The following SPON1 variants were observed in gnomAD, a reference collection of about 807,000 sequenced individuals.
SPON1 encodes spondin 1.
Under a neutral mutation model 111.7 loss-of-function variants are expected in SPON1, and 52 were observed. The ratio of observed to expected loss-of-function variants is 0.47; its 90% CI spans 0.37 to 0.59. SPON1 has a LOEUF of 0.59. Among genes scored for constraint, SPON1 ranks in the 20% least tolerant of loss-of-function variants. SPON1 has a pLI of 0.00. For synonymous variants in SPON1, 410 were observed against 395.8 expected (o/e 1.04, Z -0.43); for missense variants, 957 against 1,068.5 (o/e 0.90, Z 1.46).
intron 6 of SPON1, among the ~76,000 whole-genome samples, chr11:14,186,705 A>T (rs1443524171): frequency 6.6e-6 from 1 of 152,134 alleles, no homozygotes; most frequent in African/African-American, 2.4e-5. Flanking sequence ...TCCCATTTAT[A>T]TCCTTGTGCA....
chr11:14,215,333 A>G (rs1848615947), intron 6 of SPON1, among the ~76,000 whole-genome samples: 1 of 152,168 alleles, frequency 6.6e-6, no homozygotes, highest in Non-Finnish European at 1.5e-5. Context: ...TCTTCTTCTC[A>G]GAGTGCTATT....
chr11:14,162,606 T>G (rs782117404), intron 6 of SPON1, among the ~76,000 whole-genome samples: 1 of 152,324 alleles, frequency 6.6e-6, no homozygotes, highest in African/African-American at 2.4e-5. Flanking sequence ...TCTCACCTAA[T>G]TATACATTAT....
chr11:14,007,604 A>G (rs529518026), intron 2 of SPON1, among the ~76,000 whole-genome samples: 3 of 152,258 alleles, frequency 2.0e-5, no homozygotes, highest in East Asian at 1.9e-4. Context: ...TCCTTTCGCA[A>G]CACCCTCACA....
At chr11:14,180,102 C>T (rs1848221351) in intron 6 of SPON1, among the ~76,000 whole-genome samples, 1 of 152,162 alleles carries the variant, frequency 6.6e-6, no homozygotes, top group African/African-American at 2.4e-5. Flanking sequence ...TGCCCCTCCC[C>T]ATAGGTGACC....
Position 14,262,732 on chromosome 11 carries a change from G to A in SPON1, c.2017G>A (p.Glu673Lys), listed in dbSNP as rs543993317. The A allele has an allele frequency of 7.4e-6, 12 of 1,613,928 alleles. No individual in the cohort carries two copies. The highest frequency in any genetic ancestry group is 5.3e-5 in the African/African-American group (4 of 75,002). ...GCCAGCCATTGACTGTGAGCTCACC[G>A]AGTGGTCCCAGTGGTCGGAATGTAA... ...PECPIDCELT[E>K]WSQWSECNKS... is the part of the protein sequence containing the mutation. Residue 673 changes from glutamate (E) to lysine (K), a missense_variant, in exon 15 of 16, where the codon GAG (glutamate) becomes AAG (lysine). Transcript: ENST00000576479.
At chr11:14,123,897 G>A (rs534580436) in intron 5 of SPON1, among the ~76,000 whole-genome samples, 69 of 152,194 alleles carry the variant, frequency 4.5e-4, no homozygotes, top group African/African-American at 1.4e-3. Context: ...AGTCCTTTGC[G>A]GTCTGTTTTC....
At chr11:14,049,048 C>A (rs535390262) in intron 3 of SPON1, among the ~76,000 whole-genome samples, 1 of 152,256 alleles carries the variant, frequency 6.6e-6, no homozygotes, top group East Asian at 1.9e-4. Context: ...TCATAGCAAC[C>A]CTATGAAGTA....
intron 5 of SPON1, among the ~76,000 whole-genome samples, chr11:14,127,128 G>T (rs894000414): frequency 6.6e-6 from 1 of 151,626 alleles, no homozygotes; most frequent in Non-Finnish European, 1.5e-5. Context: ...TATTTTATGC[G>T]CCAGCCACTA....
chr11:14,180,781 C>A (rs1013818426), intron 6 of SPON1, among the ~76,000 whole-genome samples: 2 of 152,176 alleles, frequency 1.3e-5, no homozygotes, highest in East Asian at 1.9e-4. Flanking sequence ...CTTCTCACCT[C>A]CACTACTAAG....
At chr11:14,265,401 C>T (rs1554942364) in intron 15 of SPON1, 123 bp from the exon 16 acceptor site, 1 of 1,148,438 alleles carries the variant, frequency 8.7e-7, no homozygotes, top group African/African-American at 1.6e-5. Flanking sequence ...CGACTCTAAC[C>T]AATCATTACA....
chr11:14,090,946 C>T (rs986542148), intron 5 of SPON1, among the ~76,000 whole-genome samples: 6 of 150,934 alleles, frequency 4.0e-5, no homozygotes, highest in Non-Finnish European at 8.8e-5. Flanking sequence ...TCTCCACGTC[C>T]CCATCAGATT....
At position 14,259,165 on chromosome 11, in the gene SPON1, C is replaced by G. The variant is rs1849142572; in HGVS notation, c.1493-115C>G. On this transcript the variant is annotated intron_variant, in intron 11 of 15. Transcript: ENST00000576479. The surrounding 1 kb of genome is among the most constrained non-coding windows in gnomAD (Gnocchi z 5.0). The stretch of plus-strand genomic sequence containing the variant: ...GATTTAGACCTCTTAGGTGTGCAGA[C>G]AACCTCAACTGCCTGACTCCTCTTG... 1 of 1,189,846 alleles carries G rather than the reference C, an allele frequency of 8.4e-7. No homozygotes were observed. Among genetic ancestry groups the G allele is most frequent in the Non-Finnish European group, 1.2e-6 (1 of 867,528 alleles). 73.7% of individuals were successfully genotyped at this position (1,189,846 alleles called of 1,614,324 possible). A position where few individuals can be genotyped will look rare whatever the true frequency, so the allele number is the denominator to read the frequency against.
intron 2 of SPON1, among the ~76,000 whole-genome samples, chr11:13,988,039 C>G (rs533742094): frequency 7.9e-4 from 121 of 152,230 alleles, no homozygotes; most frequent in Non-Finnish European, 1.3e-3. Context: ...ATTGCGGGCT[C>G]TTTTTTGGCT....
chr11:14,101,402 A>C (rs958012944), intron 5 of SPON1, among the ~76,000 whole-genome samples: 2 of 152,098 alleles, frequency 1.3e-5, no homozygotes, highest in Admixed American at 6.5e-5. Context: ...TCCATCTCAA[A>C]AAATAATAAT....
chr11:14,045,073 C>A (rs1554917713), intron 3 of SPON1, among the ~76,000 whole-genome samples: 1 of 152,104 alleles, frequency 6.6e-6, no homozygotes, highest in African/African-American at 2.4e-5. Flanking sequence ...ATAAGGGATG[C>A]ACATTTATAA....
At position 14,028,867 on chromosome 11, in the gene SPON1, C is replaced by G. The variant is rs139497827; in HGVS notation, c.346-12654C>G. Among the ~76,000 whole-genome samples, 330 of 152,274 alleles carry G rather than the reference C, an allele frequency of 2.2e-3. 2 individuals are homozygous for G. The highest frequency in any genetic ancestry group is 7.6e-3 in the African/African-American group (314 of 41,540). ...TGTCTGCTGGCTCCAAAGTCCACAT[C>G]TTCTCTCCCCACTACCCCATGCTAC... On this transcript the variant is annotated intron_variant, in intron 2 of 15. Coordinates refer to ENST00000576479, the MANE Select transcript of SPON1 (RefSeq NM_006108.4).
chr11:14,249,002 T>A (rs1554940461), intron 7 of SPON1, among the ~76,000 whole-genome samples: 1 of 152,186 alleles, frequency 6.6e-6, no homozygotes, highest in Non-Finnish European at 1.5e-5. Flanking sequence ...ATGCCCAGAT[T>A]TCCTACAAAT....
intron 6 of SPON1, among the ~76,000 whole-genome samples, chr11:14,202,261 G>C (rs782757731): frequency 2.2e-4 from 34 of 152,294 alleles, no homozygotes; most frequent in Non-Finnish European, 4.1e-4. Flanking sequence ...ATGAAGGCTT[G>C]CTGTGTTGGG....
intron 3 of SPON1, among the ~76,000 whole-genome samples, chr11:14,049,358 G>T (rs555342118): frequency 1.1e-4 from 17 of 152,220 alleles, no homozygotes; most frequent in African/African-American, 3.9e-4. Context: ...GATCACTCTA[G>T]TTCCTTACCC....
Sources: allele counts gnomAD v4.1 joint callset (sites outside exome capture counted in the v4.1 genomes callset), GRCh38; gene constraint gnomAD v4.1.1; non-coding constraint Gnocchi (gnomAD v3.1); transcripts MANE v1.5; gene names NCBI Gene and HGNC (gene_info 2026-07-23, HGNC 2026-07-21).